The following SLC38A8 variants were observed in gnomAD, a reference collection of about 807,000 sequenced individuals.
SLC38A8 encodes the protein amino acid transporter SLC38A8.
Under a neutral mutation model 46.0 loss-of-function variants are expected in SLC38A8, and 65 were observed. The ratio of observed to expected loss-of-function variants is 1.41; its 90% CI spans 1.16 to 1.74. The LOEUF (loss-of-function observed/expected upper bound fraction) is 1.74, where lower values mean the gene tolerates loss of function less well. Among genes scored for constraint, SLC38A8 ranks in the 40% most tolerant of loss-of-function variants. The pLI is 0.00. For missense variants in SLC38A8, 998 were observed against 567.9 expected (o/e 1.76, Z -7.70); for synonymous variants, 447 against 243.7 (o/e 1.83, Z -7.77).
chr16:84,037,028 G>A (rs1354653803), intron 2 of SLC38A8, 128 bp from the exon 3 acceptor site: 8 of 914,294 alleles, frequency 8.7e-6, no homozygotes, highest in Non-Finnish European at 1.2e-5. Context: ...TGCCAACATG[G>A]GGTTGGCAGT....
chr16:84,022,858 C>G lies in SLC38A8; in HGVS notation c.722G>C (p.Ser241Thr). 6.2e-7 allele frequency: 1 copy of G among 1,609,350 alleles called. No homozygotes were observed. Among genetic ancestry groups the G allele is most frequent in the Non-Finnish European group, 8.5e-7 (1 of 1,178,224 alleles). ...CHEAAVSIYC[S>T]MRKRSLSHWA... ...GTGGGAGAGGCTCCGTTTGCGCATG[C>G]TGCAGTAGATGGAGACGGCAGCTTC... The change falls in exon 7 of 11, where the codon AGC becomes ACC. Residue 241 changes from serine to threonine, a missense_variant. Coordinates refer to ENST00000299709, the MANE Select transcript of SLC38A8 (RefSeq NM_001080442.3).
intron 3 of SLC38A8, among the ~76,000 whole-genome samples, chr16:84,035,940 C>T (rs1389875371): frequency 6.6e-6 from 1 of 152,198 alleles, no homozygotes; most frequent in East Asian, 1.9e-4. Context: ...ACTGCCTTGA[C>T]CTAATGGACA....
chr16:84,029,029 G>A (rs560585584), intron 6 of SLC38A8, among the ~76,000 whole-genome samples: 1 of 152,008 alleles, frequency 6.6e-6, no homozygotes, highest in Admixed American at 6.6e-5. Context: ...ACACCTTCCA[G>A]CTCCTCTACC....
At position 84,037,806 on chromosome 16, in the gene SLC38A8, A is replaced by ATTTTTTTTTTTT. The variant is rs376247461; in HGVS notation, c.190-918_190-907dup. On this transcript the variant is annotated intron_variant, in intron 2 of 10. Transcript: ENST00000299709. The stretch of plus-strand genomic sequence containing the variant: ...AAAACATCCCTCTATTTCAGCTTCA[A>ATTTTTTTTTTTT]TTTTTTTTTTTTTTTTTTTGGAGAC... Among the ~76,000 whole-genome samples the ATTTTTTTTTTTT allele has an allele frequency of 1.5e-4, 15 of 102,246 alleles. 1 individual carries two copies. The highest frequency in any genetic ancestry group is 1.4e-3 in the East Asian group (4 of 2,798). The allele number at this position is 102,246 out of a possible 152,430, so 67.1% of individuals were successfully genotyped here. A position where few individuals can be genotyped will look rare whatever the true frequency, so the allele number is the denominator to read the frequency against.
At chr16:84,011,946 A>C (rs2084959108) in intron 10 of SLC38A8, among the ~76,000 whole-genome samples, 1 of 152,174 alleles carries the variant, frequency 6.6e-6, no homozygotes, top group Non-Finnish European at 1.5e-5. Flanking sequence ...GAGAAAGCTA[A>C]ATAATGATAA....
Position 84,033,027 on chromosome 16 carries a change from T to G in SLC38A8, c.530+301A>C, listed in dbSNP as rs544914031. ...GGGTGTGGGTAGGTGGGTGTGTATGTGTGGGTGTGGGTAGGTGTGTGTTGT... is the reference window on the plus strand; with the variant it reads ...GGGTGTGGGTAGGTGGGTGTGTATGGGTGGGTGTGGGTAGGTGTGTGTTGT... On this transcript the variant is annotated intron_variant, in intron 4 of 10. Transcript: ENST00000299709. Among the ~76,000 whole-genome samples the G allele has an allele frequency of 5.6e-5, 8 of 142,606 alleles. No individual in the cohort carries two copies. The East Asian group carries it at 1.5e-3, about 26-fold the overall frequency. 93.6% of individuals were successfully genotyped at this position (142,606 alleles called of 152,430 possible).
At chr16:84,036,667 C>T (rs972444328) in intron 3 of SLC38A8, 35 bp downstream of exon 3, 6 of 1,612,070 alleles carry the variant, frequency 3.7e-6, no homozygotes, top group East Asian at 2.2e-5. Context: ...AGGTCCGGCA[C>T]CCTGGGCCAC....
intron 9 of SLC38A8, among the ~76,000 whole-genome samples, chr16:84,014,241 T>C (rs7201745): frequency 0.18 from 25,463 of 142,740 alleles, 4,624 homozygotes; most frequent in African/African-American, 0.48. Context: ...AGCTCCACCC[T>C]AAGCCCGAGG....
intron 3 of SLC38A8, among the ~76,000 whole-genome samples, chr16:84,036,473 G>A (rs1278971353): frequency 6.6e-6 from 1 of 152,248 alleles, no homozygotes; most frequent in Non-Finnish European, 1.5e-5. Context: ...TATCCTAATT[G>A]CAGCCACAAC....
chr16:84,024,674 G>A (rs930518757), intron 6 of SLC38A8, among the ~76,000 whole-genome samples: 16 of 152,016 alleles, frequency 1.1e-4, no homozygotes, highest in African/African-American at 3.4e-4. Flanking sequence ...CTAGTTACTT[G>A]GGAGGCTAAG....
At chr16:84,035,494 G>A (rs960026745) in intron 3 of SLC38A8, among the ~76,000 whole-genome samples, 8 of 152,304 alleles carry the variant, frequency 5.3e-5, no homozygotes, top group African/African-American at 1.7e-4. Context: ...GTCTGAGACT[G>A]TCAAGTTGGA....
chr16:84,021,989 A>G (rs1026839107), intron 7 of SLC38A8, among the ~76,000 whole-genome samples: 1 of 152,138 alleles, frequency 6.6e-6, no homozygotes, highest in Non-Finnish European at 1.5e-5. Context: ...ATAACCTATT[A>G]ATCCACTAAT....
chr16:84,013,301 G>A (rs13336065), intron 9 of SLC38A8, among the ~76,000 whole-genome samples: 18,955 of 152,068 alleles, frequency 0.12, 2,515 homozygotes, highest in African/African-American at 0.34. Context: ...CCATCTTTCA[G>A]GCAACCTTGA....
chr16:84,025,353 A>G lies in SLC38A8; in HGVS notation c.691-2464T>C, dbSNP rs960218181. On this transcript the variant is annotated intron_variant, in intron 6 of 10. Coordinates refer to ENST00000299709, the MANE Select transcript of SLC38A8 (RefSeq NM_001080442.3). ...CCCTCCGCGCCTCAGGGCCTTTGCT[A>G]CTGCTGGTCCCTCTGGCCGGATTTT... Among the ~76,000 whole-genome samples the G allele has an allele frequency of 1.4e-4, 21 of 152,152 alleles. 1 individual carries two copies. The highest frequency in any genetic ancestry group is 1.4e-3 in the Admixed American group (21 of 15,298).
chr16:84,036,637 A>G, intron 3 of SLC38A8, 65 bp downstream of exon 3: 1 of 1,578,474 alleles, frequency 6.3e-7, no homozygotes, highest in Non-Finnish European at 8.6e-7. Context: ...GCTCAACTGG[A>G]AACTCCAAGA....
intron 5 of SLC38A8, among the ~76,000 whole-genome samples, chr16:84,031,568 T>C (rs747366302): frequency 1.3e-4 from 19 of 151,150 alleles, no homozygotes; most frequent in South Asian, 1.1e-3. Flanking sequence ...TGCCAGATTC[T>C]GTACCTCCAC....
rs575900133 is a variant in SLC38A8, at chr16:84,015,014, A to G, written c.1162+1505T>C. Among the ~76,000 whole-genome samples the G allele has an allele frequency of 1.5e-4, 23 of 152,226 alleles. No homozygotes were observed. In the East Asian group the frequency reaches 1.7e-3, roughly 12 times the overall value. ...CTGTGCTTTCTGTTAAGTTTCACCA[A>G]TGGGCATCTACTTCTTGTCTGTTTG... On this transcript the variant is annotated intron_variant, in intron 9 of 10. Coordinates refer to ENST00000299709, the MANE Select transcript of SLC38A8 (RefSeq NM_001080442.3).
chr16:84,024,990 T>C (rs1234451052), intron 6 of SLC38A8, among the ~76,000 whole-genome samples: 1 of 152,144 alleles, frequency 6.6e-6, no homozygotes, highest in Non-Finnish European at 1.5e-5. Context: ...GCAAGAATTT[T>C]TTTAACGCAA....
chr16:84,026,627 G>C (rs1319697825), intron 6 of SLC38A8, among the ~76,000 whole-genome samples: 1 of 152,226 alleles, frequency 6.6e-6, no homozygotes, highest in Non-Finnish European at 1.5e-5. Flanking sequence ...GAAGGAGACA[G>C]GAAGACGACA....
Sources: allele counts gnomAD v4.1 joint callset (sites outside exome capture counted in the v4.1 genomes callset), GRCh38; gene constraint gnomAD v4.1.1; transcripts MANE v1.5; gene names NCBI Gene and HGNC (gene_info 2026-07-23, HGNC 2026-07-21).